The following NUDT5 variants were observed in gnomAD, a reference collection of about 807,000 sequenced individuals.
The protein encoded by NUDT5 is nudix hydrolase 5.
Under a neutral mutation model 34.1 loss-of-function variants are expected in NUDT5, and 21 were observed. That is an observed-to-expected ratio of 0.62 (90% confidence interval 0.44 to 0.89). NUDT5 has a LOEUF of 0.89. Ranked by LOEUF, NUDT5 falls within the 40% of genes least tolerant of loss-of-function variation. NUDT5 has a pLI of 0.00. For synonymous variants in NUDT5, 85 were observed against 97.6 expected (o/e 0.87, Z 0.76); for missense variants, 249 against 274.8 (o/e 0.91, Z 0.66).
Position 12,182,245 on chromosome 10 carries a change from C to G in NUDT5, c.131+2644G>C, listed in dbSNP as rs1588659794. ...CCTGTGTTCTGACTGCAGCCTGTCA[C>G]ACAGAGTCAGGTGTGGAATTCTCCA... is the stretch of plus-strand genomic sequence containing the variant. On this transcript the variant is annotated intron_variant, in intron 3 of 9. Transcript: ENST00000491614. The surrounding 1 kb of genome is among the most constrained non-coding windows in gnomAD (Gnocchi z 4.3). 1.3e-5 allele frequency among the ~76,000 whole-genome samples: 2 copies of G among 152,268 alleles called. No individual in the cohort carries two copies. The highest frequency in any genetic ancestry group is 3.9e-4 in the East Asian group (2 of 5,188).
At chr10:12,174,265 C>CTTTTTT (rs199714426) in intron 5 of NUDT5, among the ~76,000 whole-genome samples, 1 of 135,710 alleles carries the variant, frequency 7.4e-6, no homozygotes. Flanking sequence ...GATTGGAACT[C>CTTTTTT]TTTTTTTTTT....
At chr10:12,184,336 C>T (rs775595348) in intron 3 of NUDT5, among the ~76,000 whole-genome samples, 128 of 150,200 alleles carry the variant, frequency 8.5e-4, no homozygotes, top group Non-Finnish European at 1.6e-3. Context: ...GCTGGAATTA[C>T]AGGCGTGAGC....
intron 1 of NUDT5, among the ~76,000 whole-genome samples, chr10:12,192,345 A>G (rs1245418576): frequency 6.6e-6 from 1 of 151,816 alleles, no homozygotes; most frequent in Non-Finnish European, 1.5e-5. Context: ...TAAGTGGGAG[A>G]GAGGATCAAT....
At position 12,169,705 on chromosome 10, in the gene NUDT5, A is replaced by G; in HGVS notation, c.550+1012T>C. ...GGGATACGAAATCTGATTTTATCCA[A>G]AGAAATCACAGCAGCCTTTGAAAGA... On this transcript the variant is annotated intron_variant, in intron 9 of 9. Transcript: ENST00000491614. This position sits in a 1 kb window ranked among gnomAD's most constrained non-coding sequence, Gnocchi z 4.8. The G allele has an allele frequency of 8.9e-6, 2 of 225,884 alleles. No individual in the cohort carries two copies. Among genetic ancestry groups the G allele is most frequent in the Non-Finnish European group, 1.7e-5 (2 of 116,380 alleles). 14.0% of individuals were successfully genotyped at this position (225,884 alleles called of 1,614,324 possible).
Position 12,175,202 on chromosome 10 carries a change from T to A in NUDT5, c.290-1389A>T, listed in dbSNP as rs888265590. 6.6e-6 allele frequency among the ~76,000 whole-genome samples: 1 copy of A among 152,030 alleles called. No individual in the cohort carries two copies. The highest frequency in any genetic ancestry group is 1.5e-5 in the Non-Finnish European group (1 of 67,998). On this transcript the variant is annotated intron_variant, in intron 5 of 9. Coordinates refer to ENST00000491614, the MANE Select transcript of NUDT5 (RefSeq NM_014142.4). The surrounding 1 kb of genome is among the most constrained non-coding windows in gnomAD (Gnocchi z 4.8). ...CAGGTGTGGTGGTACGCACCTGTAT[T>A]CCAGCTACGCGGGAGGCTGAGGCAG...
Position 12,169,110 on chromosome 10 carries a change from G to A in NUDT5, c.551-1299C>T, listed in dbSNP as rs1243399297. On this transcript the variant is annotated intron_variant, in intron 9 of 9. Coordinates refer to ENST00000491614, the MANE Select transcript of NUDT5 (RefSeq NM_014142.4). This position sits in a 1 kb window ranked among gnomAD's most constrained non-coding sequence, Gnocchi z 4.8. ...ATACTTTCCTTCCGACTTCTCAAAT[G>A]TTGCTGGTTGAATAAACGGTTTGAT... The A allele has an allele frequency of 1.8e-6, 1 of 550,914 alleles. No individual in the cohort carries two copies. Among genetic ancestry groups the A allele is most frequent in the African/African-American group, 1.9e-5 (1 of 51,626 alleles). The allele number at this position is 550,914 out of a possible 1,614,324, so 34.1% of individuals were successfully genotyped here. A position where few individuals can be genotyped will look rare whatever the true frequency, so the allele number is the denominator to read the frequency against.
chr10:12,186,945 A>T (rs928295082), intron 1 of NUDT5, among the ~76,000 whole-genome samples: 1 of 151,498 alleles, frequency 6.6e-6, no homozygotes, highest in South Asian at 2.1e-4. Context: ...CTGACTCCGA[A>T]TCTTAAACTC....
intron 1 of NUDT5, among the ~76,000 whole-genome samples, chr10:12,194,643 T>C (rs1835298326): frequency 6.6e-6 from 1 of 152,242 alleles, no homozygotes. Context: ...AAACAATGTA[T>C]ATATTCCTGG....
In NUDT5 at chr10:12,195,815, T is replaced by C. The variant is rs868225119; in HGVS notation, c.-87A>G. ...AACGGAAGAGGACGAAATAACTAGCTGGAGGCAGCAGTGTCAGCCGATGCC... is the reference window on the plus strand; with the variant it reads ...AACGGAAGAGGACGAAATAACTAGCCGGAGGCAGCAGTGTCAGCCGATGCC... On this transcript the variant is annotated 5_prime_UTR_variant, in exon 1 of 10. Transcript: ENST00000491614. 1 of 226,254 alleles carries C rather than the reference T, an allele frequency of 4.4e-6. No homozygotes were observed. The highest frequency in any genetic ancestry group is 9.0e-6 in the Non-Finnish European group (1 of 110,730). 14.0% of individuals were successfully genotyped at this position (226,254 alleles called of 1,614,324 possible).
chr10:12,178,197 A>G (rs1297822618), intron 4 of NUDT5, among the ~76,000 whole-genome samples: 1 of 152,170 alleles, frequency 6.6e-6, no homozygotes, highest in African/African-American at 2.4e-5. Flanking sequence ...TTCTGACTAC[A>G]CTGACCTTCC....
chr10:12,192,172 C>A (rs1045533738), intron 1 of NUDT5, among the ~76,000 whole-genome samples: 1 of 151,954 alleles, frequency 6.6e-6, no homozygotes, highest in Admixed American at 6.6e-5. Flanking sequence ...GGGAAATCAA[C>A]AAGGCACTTT....
intron 3 of NUDT5, among the ~76,000 whole-genome samples, chr10:12,180,878 C>A (rs1835031494): frequency 6.6e-6 from 1 of 152,234 alleles, no homozygotes; most frequent in Non-Finnish European, 1.5e-5. Flanking sequence ...CCCTCTAGTT[C>A]ACCAACACAA....
At chr10:12,167,870 A>T in intron 9 of NUDT5, 59 bp from the exon 10 acceptor site, 4 of 1,605,294 alleles carry the variant, frequency 2.5e-6, no homozygotes, top group Non-Finnish European at 3.4e-6. Flanking sequence ...AAAACATCTT[A>T]TTCAATCAGT....
chr10:12,165,381 G>GA lies in NUDT5; in HGVS notation c.*2320dup, dbSNP rs1320302446. The GA allele has an allele frequency of 6.2e-6, 6 of 969,260 alleles. No homozygotes were observed. The highest frequency in any genetic ancestry group is 7.4e-6 in the Non-Finnish European group (6 of 815,520). The allele number at this position is 969,260 out of a possible 1,614,324, so 60.0% of individuals were successfully genotyped here. A position where few individuals can be genotyped will look rare whatever the true frequency, so the allele number is the denominator to read the frequency against. On this transcript the variant is annotated 3_prime_UTR_variant, in exon 10 of 10. Coordinates refer to ENST00000491614, the MANE Select transcript of NUDT5 (RefSeq NM_014142.4). ...TAAGAAAACTGATTCAGTTGTGTTG[G>GA]AAAAAATAAAGAAATCTGATATTAA...
At chr10:12,190,978 A>C (rs1419794747) in intron 1 of NUDT5, among the ~76,000 whole-genome samples, 1 of 152,144 alleles carries the variant, frequency 6.6e-6, no homozygotes, top group African/African-American at 2.4e-5. Context: ...AAGCATTCCA[A>C]CTAGAAGACA....
chr10:12,184,751 A>C, intron 3 of NUDT5, 138 bp downstream of exon 3: 2 of 671,712 alleles, frequency 3.0e-6, no homozygotes, highest in East Asian at 5.5e-5. Context: ...AAACATCCTA[A>C]CACTGGAAAA....
At position 12,166,069 on chromosome 10, in the gene NUDT5, TA is replaced by T. The variant is rs1834678286; in HGVS notation, c.*1632del. 6.6e-6 allele frequency: 1 copy of T among 152,250 alleles called. No homozygotes were observed. Among genetic ancestry groups the T allele is most frequent in the African/African-American group, 2.4e-5 (1 of 41,466 alleles). 9.4% of individuals were successfully genotyped at this position (152,250 alleles called of 1,614,324 possible). On this transcript the variant is annotated 3_prime_UTR_variant, in exon 10 of 10. Coordinates refer to ENST00000491614, the MANE Select transcript of NUDT5 (RefSeq NM_014142.4). ...CCAAAGCACAACCTTTTCATGTTTA[TA>T]AAAAATAGAAATGGCATTTAGGGAT...
In NUDT5 at chr10:12,173,522, T is replaced by C. The variant is rs1834896089; in HGVS notation, c.385+196A>G. 6.6e-6 allele frequency among the ~76,000 whole-genome samples: 1 copy of C among 152,158 alleles called. No individual in the cohort carries two copies. Among genetic ancestry groups the C allele is most frequent in the Admixed American group, 6.5e-5 (1 of 15,274 alleles). ...CCAGCCAAAAGGCAATTTAATTTCA[T>C]TAATTCTCCCCCAACTTCAGGCCCT... On this transcript the variant is annotated intron_variant, in intron 6 of 9. Transcript: ENST00000491614. The surrounding 1 kb of genome is among the most constrained non-coding windows in gnomAD (Gnocchi z 4.7).
chr10:12,169,340 C>T lies in NUDT5; in HGVS notation c.550+1377G>A. 7 of 1,529,178 alleles carry T rather than the reference C, an allele frequency of 4.6e-6. No individual in the cohort carries two copies. Among genetic ancestry groups the T allele is most frequent in the Non-Finnish European group, 6.2e-6 (7 of 1,128,114 alleles). 94.7% of individuals were successfully genotyped at this position (1,529,178 alleles called of 1,614,324 possible). A position where few individuals can be genotyped will look rare whatever the true frequency, so the allele number is the denominator to read the frequency against. On this transcript the variant is annotated intron_variant, in intron 9 of 9. Coordinates refer to ENST00000491614, the MANE Select transcript of NUDT5 (RefSeq NM_014142.4). The surrounding 1 kb of genome is among the most constrained non-coding windows in gnomAD (Gnocchi z 4.8). The stretch of plus-strand genomic sequence containing the variant: ...ACTCTTCTACTAAAAGATAACCCCG[C>T]ACGGCATTTCACACTTGCCTACGTC...
Sources: allele counts gnomAD v4.1 joint callset (sites outside exome capture counted in the v4.1 genomes callset), GRCh38; gene constraint gnomAD v4.1.1; non-coding constraint Gnocchi (gnomAD v3.1); transcripts MANE v1.5; gene names NCBI Gene and HGNC (gene_info 2026-07-23, HGNC 2026-07-21).